The following DDI2 variants were observed in gnomAD, a reference collection of about 807,000 sequenced individuals.
DDI2 encodes the protein DDI proteasomal shuttling factor 2.
Under a neutral mutation model 48.1 loss-of-function variants are expected in DDI2, and 5 were observed. The observed-to-expected ratio is 0.10, with a 90% CI of 0.05 to 0.22. DDI2 has a LOEUF of 0.22. DDI2 is among the 10% of genes least tolerant of loss of function. DDI2 has a pLI of 1.00. For missense variants in DDI2, 285 were observed against 506.2 expected, an observed-to-expected ratio of 0.56 and a Z score of 4.19; for synonymous variants, 205 against 183.6, an observed-to-expected ratio of 1.12 and a Z score of -0.94.
At chr1:15,651,105 A>T (rs1436924549) in intron 7 of DDI2, among the ~76,000 whole-genome samples, 4 of 152,146 alleles carry the variant, frequency 2.6e-5, no homozygotes, top group African/African-American at 9.7e-5. Flanking sequence ...CGCCCGCCTC[A>T]GCCTCCCAAA....
At chr1:15,631,761 T>A (rs983683983) in intron 3 of DDI2, among the ~76,000 whole-genome samples, 52 of 152,296 alleles carry the variant, frequency 3.4e-4, no homozygotes, top group Non-Finnish European at 6.0e-4. Flanking sequence ...ATTTTTAAAC[T>A]TCATGTATAT....
At chr1:15,633,952 C>G in intron 4 of DDI2, 2 of 388,538 alleles carry the variant, frequency 5.1e-6, no homozygotes, top group East Asian at 1.5e-4. Context: ...TTGTATAAGT[C>G]CTGATTAAAT....
In DDI2 at chr1:15,644,596, T is replaced by G. The variant is rs537035351; in HGVS notation, c.889+946T>G. 2.1e-3 allele frequency among the ~76,000 whole-genome samples: 281 copies of G among 130,746 alleles called. 2 individuals carry two copies. The East Asian group carries it at 0.035, about 16-fold the overall frequency. 85.8% of individuals were successfully genotyped at this position (130,746 alleles called of 152,430 possible). On this transcript the variant is annotated intron_variant, in intron 6 of 9. Coordinates refer to ENST00000480945, the MANE Select transcript of DDI2 (RefSeq NM_032341.5). The stretch of plus-strand genomic sequence containing the variant: ...CTTTTCAGTTTTTTTTGTTTTTTTT[T>G]TTTTTTTTTTTTTTTGAGACGGAGT...
At position 15,667,032 on chromosome 1, in the gene DDI2, A is replaced by C. The variant is rs1397294063; in HGVS notation, c.*7242A>C. 1 of 151,850 alleles carries C rather than the reference A, an allele frequency of 6.6e-6. No individual in the cohort carries two copies. Among genetic ancestry groups the C allele is most frequent in the Non-Finnish European group, 1.5e-5 (1 of 67,990 alleles). 9.4% of individuals were successfully genotyped at this position (151,850 alleles called of 1,614,324 possible). On this transcript the variant is annotated 3_prime_UTR_variant, in exon 10 of 10. Coordinates refer to ENST00000480945, the MANE Select transcript of DDI2 (RefSeq NM_032341.5). ...AGACCAGCCTGGCCAATATGATGAAACCTTACCTCTACTAAAAATAAAAAA... is the reference window on the plus strand; with the variant it reads ...AGACCAGCCTGGCCAATATGATGAACCCTTACCTCTACTAAAAATAAAAAA...
At chr1:15,644,754 C>A (rs1406546500) in intron 6 of DDI2, among the ~76,000 whole-genome samples, 1 of 150,958 alleles carries the variant, frequency 6.6e-6, no homozygotes, top group Non-Finnish European at 1.5e-5. Flanking sequence ...CCACCGCACC[C>A]GGCTAATTTT....
At chr1:15,643,360 GA>G (rs1258172905) in intron 5 of DDI2, among the ~76,000 whole-genome samples, 161 bp from the exon 6 acceptor site, 1 of 152,234 alleles carries the variant, frequency 6.6e-6, no homozygotes, top group African/African-American at 2.4e-5. Context: ...ACTGAAAGTT[GA>G]ATTAGGCAGG....
At position 15,626,744 on chromosome 1, in the gene DDI2, G is replaced by T. The variant is rs913479339; in HGVS notation, c.214G>T (p.Val72Leu). The T allele has an allele frequency of 1.2e-6, 2 of 1,614,208 alleles. No homozygotes were observed. Among genetic ancestry groups the T allele is most frequent in the African/African-American group, 1.3e-5 (1 of 75,050 alleles). ...ASYGLKDGDVVILRQKENADP... is the reference protein window; with the variant it reads ...ASYGLKDGDVLILRQKENADP... The stretch of plus-strand genomic sequence containing the variant: ...TTATGGCTTGAAAGATGGGGACGTT[G>T]TGATTTTACGACAGAAGGAGAATGC... The change falls in exon 2 of 10, where the codon GTG becomes TTG. Residue 72 changes from valine (V) to leucine (L), a missense_variant. By Grantham distance (32) the Val-to-Leu change is conservative. This residue lies in a region of DDI2 where 149 missense variants were observed against 236.5 expected (regional missense o/e 0.63). Coordinates refer to ENST00000480945, the MANE Select transcript of DDI2 (RefSeq NM_032341.5).
Position 15,660,383 on chromosome 1 carries a change from G to A in DDI2, c.*593G>A. 6.2e-7 allele frequency: 1 copy of A among 1,613,962 alleles called. No individual in the cohort carries two copies. The highest frequency in any genetic ancestry group is 2.2e-5 in the East Asian group (1 of 44,886). ...GACCCTCAGCAGCACGAAGAACCAG[G>A]GAATGAACAGTATGAGGTTGCACAA... On this transcript the variant is annotated 3_prime_UTR_variant, in exon 10 of 10. Coordinates refer to ENST00000480945, the MANE Select transcript of DDI2 (RefSeq NM_032341.5).
At chr1:15,633,653 T>TG (rs1305878119) in intron 4 of DDI2, 88 bp downstream of exon 4, 4 of 1,572,156 alleles carry the variant, frequency 2.5e-6, no homozygotes, top group Non-Finnish European at 3.5e-6. Context: ...GGCATCTGCT[T>TG]GGAGGTAGCT....
At chr1:15,636,197 T>C (rs969808649) in intron 4 of DDI2, among the ~76,000 whole-genome samples, 3 of 152,164 alleles carry the variant, frequency 2.0e-5, no homozygotes, top group Non-Finnish European at 4.4e-5. Context: ...AGTGGCACGA[T>C]CATGGCTCAT....
At chr1:15,627,279 G>A (rs1035124655) in intron 2 of DDI2, among the ~76,000 whole-genome samples, 6 of 152,040 alleles carry the variant, frequency 3.9e-5, no homozygotes, top group African/African-American at 1.2e-4. Flanking sequence ...ATACTAATTT[G>A]CATAATAATT....
intron 8 of DDI2, among the ~76,000 whole-genome samples, 187 bp downstream of exon 8, chr1:15,652,082 TGGAGA>T (rs1640195294): frequency 8.4e-6 from 1 of 119,048 alleles, no homozygotes; most frequent in African/African-American, 3.3e-5. Flanking sequence ...TTTTTTTTTT[TGGAGA>T]CATTGTCTCA....
Position 15,656,623 on chromosome 1 carries a change from A to G in DDI2, c.1190A>G (p.Gln397Arg). The G allele has an allele frequency of 1.2e-6, 2 of 1,614,194 alleles. No individual in the cohort carries two copies. The highest frequency in any genetic ancestry group is 4.5e-5 in the East Asian group (2 of 44,882). ...TGTTTCCTAATTCACACAGAGCGTC[A>G]GAAGCCATGATGCATGTAGTGTGTG... is the stretch of plus-strand genomic sequence containing the variant. Reference protein sequence around the residue: ...LQKSAEDAERQKP With the variant: ...LQKSAEDAERRKP The change falls in exon 9 of 10, where the codon CAG (glutamine) becomes CGG (arginine). Residue 397 changes from glutamine (Q) to arginine (R), a missense_variant. Gln to Arg is a conservative substitution (Grantham distance 43). Transcript: ENST00000480945.
At chr1:15,627,356 G>A (rs939714196) in intron 2 of DDI2, among the ~76,000 whole-genome samples, 1 of 152,186 alleles carries the variant, frequency 6.6e-6, no homozygotes, top group Non-Finnish European at 1.5e-5. Flanking sequence ...TGAGGGCACA[G>A]GAATTAAAAT....
intron 1 of DDI2, among the ~76,000 whole-genome samples, chr1:15,621,682 G>A (rs1200987589): frequency 6.6e-6 from 1 of 152,074 alleles, no homozygotes; most frequent in Non-Finnish European, 1.5e-5. Flanking sequence ...CACCGCATCC[G>A]GCCCCAAATT....
At chr1:15,657,341 G>A (rs922009932) in intron 9 of DDI2, among the ~76,000 whole-genome samples, 9 of 152,230 alleles carry the variant, frequency 5.9e-5, no homozygotes, top group African/African-American at 2.2e-4. Flanking sequence ...AGCATCATAA[G>A]ACTTTGTAGG....
Position 15,661,546 on chromosome 1 carries a change from C to T in DDI2, c.*1756C>T, listed in dbSNP as rs147909929. Reference sequence around the variant, plus strand: ...TGAATATGAACCACCTACCAGCCATCCATCATCAAGTCCTGCCATTCTTCC... The same window carrying T: ...TGAATATGAACCACCTACCAGCCATTCATCATCAAGTCCTGCCATTCTTCC... On this transcript the variant is annotated 3_prime_UTR_variant, in exon 10 of 10. Transcript: ENST00000480945. The T allele has an allele frequency of 1.6e-3, 2,535 of 1,614,198 alleles. 6 individuals carry two copies. Among genetic ancestry groups the T allele is most frequent in the Non-Finnish European group, 1.5e-3 (1,752 of 1,180,026 alleles).
intron 3 of DDI2, 115 bp downstream of exon 3, chr1:15,630,676 G>A: frequency 2.7e-6 from 2 of 753,688 alleles, no homozygotes; most frequent in Non-Finnish European, 4.5e-6. Context: ...GAACATACCA[G>A]TTTTTTCTCT....
chr1:15,623,566 A>C (rs59986656), intron 1 of DDI2, among the ~76,000 whole-genome samples: 35,962 of 136,892 alleles, frequency 0.26, 4,812 homozygotes, highest in African/African-American at 0.38. Flanking sequence ...GCTTATTATT[A>C]TTATTATTAT....
Sources: allele counts gnomAD v4.1 joint callset (sites outside exome capture counted in the v4.1 genomes callset), GRCh38; gene constraint gnomAD v4.1.1; regional missense constraint gnomAD v4.1.1; transcripts MANE v1.5; gene names NCBI Gene and HGNC (gene_info 2026-07-23, HGNC 2026-07-21).